KAT14: variants seen among roughly 807,000 people sequenced by gnomAD.
KAT14 encodes the protein cysteine-rich protein 2-binding protein.
A neutral mutation model predicts 78.4 loss-of-function variants in KAT14; 66 were observed. The ratio of observed to expected loss-of-function variants is 0.84; its 90% CI spans 0.69 to 1.03. The LOEUF (loss-of-function observed/expected upper bound fraction) is 1.03, where lower values mean the gene tolerates loss of function less well. KAT14 is among the 50% of genes least tolerant of loss of function. The pLI is 0.00. For missense variants in KAT14, 870 were observed against 972.5 expected (o/e 0.89, Z 1.40); for synonymous variants, 344 against 359.4 (o/e 0.96, Z 0.48).
chr20:18,159,281 C>G lies in KAT14; in HGVS notation c.682+16C>G. 4 of 1,611,746 alleles carry G rather than the reference C, an allele frequency of 2.5e-6. No homozygotes were observed. Among genetic ancestry groups the G allele is most frequent in the Non-Finnish European group, 2.5e-6 (3 of 1,179,372 alleles). The stretch of plus-strand genomic sequence containing the variant: ...AAAATAAAAGGTACTGTTGTGAGAA[C>G]AGTACAAAAGTTGCTAGTCAGACCA... On this transcript the variant is annotated intron_variant, in intron 5 of 10. Coordinates refer to ENST00000688188, the MANE Select transcript of KAT14 (RefSeq NM_001392073.1).
chr20:18,163,149 T>A (rs1392034970), intron 7 of KAT14, among the ~76,000 whole-genome samples: 1 of 152,260 alleles, frequency 6.6e-6, no homozygotes, highest in African/African-American at 2.4e-5. Flanking sequence ...CCTGAATACA[T>A]CTGAGTTTTT....
chr20:18,162,262 C>A lies in KAT14; in HGVS notation c.1099+23C>A, dbSNP rs139140046. 7.2e-5 allele frequency: 116 copies of A among 1,613,204 alleles called. 1 individual carries two copies. The Middle Eastern group carries it at 1.2e-3, about 16-fold the overall frequency. The stretch of plus-strand genomic sequence containing the variant: ...ATGGTAAGAGTTTGTTTGCTTTGCT[C>A]TTTTATTTTGGGTATGGGCCATGGT... On this transcript the variant is annotated intron_variant, in intron 6 of 10. Coordinates refer to ENST00000688188, the MANE Select transcript of KAT14 (RefSeq NM_001392073.1).
intron 7 of KAT14, among the ~76,000 whole-genome samples, chr20:18,164,207 A>T (rs1221765897): frequency 3.3e-5 from 5 of 152,152 alleles, no homozygotes; most frequent in African/African-American, 1.2e-4. Context: ...CCTGCCTACC[A>T]GGAGCCAAGT....
chr20:18,170,180 A>T (rs571258760), intron 7 of KAT14, among the ~76,000 whole-genome samples: 1 of 152,350 alleles, frequency 6.6e-6, no homozygotes, highest in African/African-American at 2.4e-5. Flanking sequence ...CCTAGCTAAG[A>T]TCATTGATGG....
intron 3 of KAT14, among the ~76,000 whole-genome samples, chr20:18,145,558 ATCACCTGAGGTCAG>A (rs1380904402): frequency 9.2e-5 from 14 of 152,354 alleles, no homozygotes; most frequent in Non-Finnish European, 1.8e-4. Flanking sequence ...AGGCGGGCAG[ATCACCTGAGGTCAG>A]GACTTCGAGA....
intron 7 of KAT14, among the ~76,000 whole-genome samples, chr20:18,165,960 G>A (rs1568669937): frequency 6.6e-6 from 1 of 152,174 alleles, no homozygotes. Flanking sequence ...CAAGCTGAGC[G>A]TAGATAAGAT....
intron 2 of KAT14, among the ~76,000 whole-genome samples, chr20:18,143,964 C>A (rs981620009): frequency 6.6e-6 from 1 of 152,206 alleles, no homozygotes; most frequent in African/African-American, 2.4e-5. Flanking sequence ...AGCTTCCTGG[C>A]ACCTGAGGAG....
At position 18,187,277 on chromosome 20, in the gene KAT14, T is replaced by C. The variant is rs771326486; in HGVS notation, c.2173-9T>C. 1 of 1,591,904 alleles carries C rather than the reference T, an allele frequency of 6.3e-7. No homozygotes were observed. The highest frequency in any genetic ancestry group is 1.9e-5 in the Admixed American group (1 of 52,646). ...ATTTTTATCTTGTATTTTTCCACTC[T>C]TTTGGCAGACCTGCATGGGCAAGGA... On this transcript the variant is annotated splice_polypyrimidine_tract_variant and intron_variant, in intron 10 of 10. Coordinates refer to ENST00000688188, the MANE Select transcript of KAT14 (RefSeq NM_001392073.1).
chr20:18,143,753 G>A (rs756856030), intron 2 of KAT14, among the ~76,000 whole-genome samples: 7 of 151,464 alleles, frequency 4.6e-5, no homozygotes, highest in Non-Finnish European at 1.0e-4. Flanking sequence ...TCGGCCTCCC[G>A]AGTAGCTGGG....
At chr20:18,167,937 T>C (rs2038704940) in intron 7 of KAT14, among the ~76,000 whole-genome samples, 1 of 152,176 alleles carries the variant, frequency 6.6e-6, no homozygotes, top group South Asian at 2.1e-4. Flanking sequence ...TTTTCTTTTG[T>C]ATTGCTTATT....
intron 4 of KAT14, among the ~76,000 whole-genome samples, chr20:18,158,386 A>C (rs1319094491): frequency 6.6e-6 from 1 of 152,228 alleles, no homozygotes; most frequent in African/African-American, 2.4e-5. Flanking sequence ...TTCTTGTGAA[A>C]GACTGTCTTC....
intron 6 of KAT14, 33 bp from the exon 7 acceptor site, chr20:18,162,344 T>A (rs2038460881): frequency 6.2e-7 from 1 of 1,602,556 alleles, no homozygotes; most frequent in Non-Finnish European, 8.5e-7. Context: ...TTCCTTCCTA[T>A]GTCTTGATGA....
chr20:18,152,002 CAAA>C (rs201621092), intron 4 of KAT14, among the ~76,000 whole-genome samples: 5 of 73,876 alleles, frequency 6.8e-5, no homozygotes, highest in Admixed American at 2.7e-4. Flanking sequence ...GACTCCATCT[CAAA>C]AAAAAAAAAA....
At chr20:18,180,797 C>T (rs113576728) in intron 7 of KAT14, among the ~76,000 whole-genome samples, 2 of 151,512 alleles carry the variant, frequency 1.3e-5, no homozygotes, top group East Asian at 1.9e-4. Context: ...TTATTCACTA[C>T]GAGAACAGTA....
chr20:18,146,386 G>A (rs750933363), intron 3 of KAT14, among the ~76,000 whole-genome samples: 15 of 151,926 alleles, frequency 9.9e-5, no homozygotes, highest in Non-Finnish European at 1.6e-4. Context: ...CAGGCCAGGC[G>A]CGGTGGCTCA....
intron 2 of KAT14, chr20:18,143,166 G>A (rs2037655546): frequency 8.2e-6 from 10 of 1,223,040 alleles, no homozygotes; most frequent in Admixed American, 3.8e-5. Flanking sequence ...GAGAAAATTG[G>A]AAATCCTGTG....
In KAT14 at chr20:18,163,267, A is replaced by C. The variant is rs144091643; in HGVS notation, c.1668+322A>C. ...CATGGTTTGTGTCGTAGCTTTGACA[A>C]ATTTGTTGAGGCCATGACGGTGTCT... On this transcript the variant is annotated intron_variant, in intron 7 of 10. Coordinates refer to ENST00000688188, the MANE Select transcript of KAT14 (RefSeq NM_001392073.1). Among the ~76,000 whole-genome samples the C allele has an allele frequency of 7.2e-5, 11 of 152,252 alleles. No homozygotes were observed. In the East Asian group the frequency reaches 9.6e-4, roughly 13 times the overall value.
intron 5 of KAT14, among the ~76,000 whole-genome samples, chr20:18,161,055 T>TC (rs1478463094): frequency 1.3e-5 from 2 of 151,862 alleles, no homozygotes; most frequent in Non-Finnish European, 2.9e-5. Context: ...ATGCCTGTAA[T>TC]CCCAGCTTCT....
chr20:18,141,033 TTTTTTTTTTTTTTA>T (rs1271089719), intron 1 of KAT14, among the ~76,000 whole-genome samples: 126 of 18,374 alleles, frequency 6.9e-3, no homozygotes, highest in African/African-American at 0.016. Context: ...ATTTTTTTTT[TTTTTTTTTTTTTTA>T]TTTTTATTTT....
Sources: allele counts gnomAD v4.1 joint callset (sites outside exome capture counted in the v4.1 genomes callset), GRCh38; gene constraint gnomAD v4.1.1; transcripts MANE v1.5; gene names NCBI Gene and HGNC (gene_info 2026-07-23, HGNC 2026-07-21).